RIMBP2: variants seen among roughly 807,000 people sequenced by gnomAD.
The protein encoded by RIMBP2 is RIMS-binding protein 2.
A neutral mutation model predicts 118.6 loss-of-function variants in RIMBP2; 48 were observed. That is an observed-to-expected ratio of 0.40 (90% confidence interval 0.32 to 0.51). The LOEUF is 0.51. RIMBP2 is among the 20% of genes least tolerant of loss of function. The probability of loss-of-function intolerance (pLI) is 0.41; values close to 1 mark genes in which losing one functional copy is unlikely to be tolerated. For missense variants in RIMBP2, 1,551 were observed against 1,768.3 expected (o/e 0.88, Z 2.20); for synonymous variants, 762 against 742.9 (o/e 1.03, Z -0.42).
chr12:130,702,600 A>G (rs977719805), intron 1 of RIMBP2, among the ~76,000 whole-genome samples: 8 of 150,088 alleles, frequency 5.3e-5, no homozygotes, highest in Admixed American at 3.4e-4. Context: ...GGGAGGGAGG[A>G]AGGAAGGAAG....
chr12:130,471,065 C>T (rs2080960391), intron 5 of RIMBP2, among the ~76,000 whole-genome samples: 2 of 152,230 alleles, frequency 1.3e-5, no homozygotes, highest in Admixed American at 1.3e-4. Context: ...CGACGAACTG[C>T]TTTGGAAACA....
chr12:130,668,575 AAG>A (rs1226067837), intron 1 of RIMBP2: 1 of 152,402 alleles, frequency 6.6e-6, no homozygotes, highest in African/African-American at 2.4e-5. Flanking sequence ...GATGAGCAGA[AAG>A]AACACTCGGG....
At chr12:130,681,313 C>T (rs958692228) in intron 1 of RIMBP2, among the ~76,000 whole-genome samples, 1 of 151,968 alleles carries the variant, frequency 6.6e-6, no homozygotes, top group African/African-American at 2.4e-5. Flanking sequence ...AATGCATGTA[C>T]TTTTTACAAA....
chr12:130,691,105 CG>C (rs2065289173), intron 1 of RIMBP2, among the ~76,000 whole-genome samples: 1 of 152,060 alleles, frequency 6.6e-6, no homozygotes, highest in Non-Finnish European at 1.5e-5. Context: ...CTCAACAGGG[CG>C]GGATGAGATG....
Position 130,424,515 on chromosome 12 carries a change from C to T in RIMBP2, c.2756G>A (p.Ser919Asn). 7 of 1,232,018 alleles carry T rather than the reference C, an allele frequency of 5.7e-6. No homozygotes were observed. The highest frequency in any genetic ancestry group is 4.1e-5 in the South Asian group (1 of 24,320). The allele number at this position is 1,232,018 out of a possible 1,614,324, so 76.3% of individuals were successfully genotyped here. The change falls in exon 16 of 23, where the codon AGC becomes AAC. Residue 919 changes from serine to asparagine, a missense_variant. Coordinates refer to ENST00000690449, the MANE Select transcript of RIMBP2 (RefSeq NM_001393629.1). This position sits in a 1 kb window ranked among gnomAD's most constrained non-coding sequence, Gnocchi z 9.8. The part of the protein sequence containing the change: ...FSRSATRSPD[S>N]GLDCGSEEDE... The stretch of plus-strand genomic sequence containing the variant: ...CTCTTCACTCCCACAGTCCAGGCCG[C>T]TGTCCGGGCTCCGGGTGGCCGAGCG...
Position 130,424,549 on chromosome 12 carries a change from G to C in RIMBP2, c.2722C>G (p.Arg908Gly), listed in dbSNP as rs1334520068. Residue 908 changes from arginine (R) to glycine (G), a missense_variant, in exon 16 of 23, where the codon CGG becomes GGG. By Grantham distance (125) the Arg-to-Gly change is moderately radical. Around this residue, in one of 5 missense-constraint regions of RIMBP2, gnomAD observed 1,038 missense variants for 1,125.1 expected, o/e 0.92. Coordinates refer to ENST00000690449, the MANE Select transcript of RIMBP2 (RefSeq NM_001393629.1). This position sits in a 1 kb window ranked among gnomAD's most constrained non-coding sequence, Gnocchi z 9.8. ...CTCCGGGTGGCCGAGCGGCTGAACCGACAGCCCCTGTCTTCCAGAAGGAAG... is the reference window on the plus strand; with the variant it reads ...CTCCGGGTGGCCGAGCGGCTGAACCCACAGCCCCTGTCTTCCAGAAGGAAG... ...EDFLLEDRGC[R>G]FSRSATRSPD... is the part of the protein sequence containing the mutation. 8.1e-7 allele frequency: 1 copy of C among 1,231,822 alleles called. No homozygotes were observed. Among genetic ancestry groups the C allele is most frequent in the African/African-American group, 1.6e-5 (1 of 64,382 alleles). 76.3% of individuals were successfully genotyped at this position (1,231,822 alleles called of 1,614,324 possible). A position where few individuals can be genotyped will look rare whatever the true frequency, so the allele number is the denominator to read the frequency against.
In RIMBP2 at chr12:130,623,095, C is replaced by T. The variant is rs917119865; in HGVS notation, c.-217+5227G>A. On this transcript the variant is annotated intron_variant, in intron 2 of 22. Transcript: ENST00000690449. This position sits in a 1 kb window ranked among gnomAD's most constrained non-coding sequence, Gnocchi z 4.1. ...AAATCAGGTTGCTGGGCTACTTACA[C>T]AAATACATATAAAACGAAGGTCAAC... is the stretch of plus-strand genomic sequence containing the variant. 6.6e-6 allele frequency among the ~76,000 whole-genome samples: 1 copy of T among 152,280 alleles called. No homozygotes were observed. Among genetic ancestry groups the T allele is most frequent in the South Asian group, 2.1e-4 (1 of 4,826 alleles).
intron 1 of RIMBP2, among the ~76,000 whole-genome samples, chr12:130,633,488 G>A (rs909215036): frequency 1.1e-4 from 16 of 151,956 alleles, no homozygotes; most frequent in African/African-American, 3.9e-4. Context: ...CGAGTGTCCC[G>A]CCCACAGCCC....
chr12:130,428,118 G>T, intron 15 of RIMBP2, 61 bp downstream of exon 15: 1 of 1,460,266 alleles, frequency 6.8e-7, no homozygotes, highest in African/African-American at 1.4e-5. Flanking sequence ...CCCCAGCAAA[G>T]GGACGTGGAT....
intron 19 of RIMBP2, among the ~76,000 whole-genome samples, chr12:130,409,332 CTTTTTTTTTTTTTTTT>C (rs35015661): frequency 4.6e-5 from 3 of 65,384 alleles, no homozygotes; most frequent in South Asian, 1.5e-3. Flanking sequence ...CAAAATGTAG[CTTTTTTTTTTTTTTTT>C]TTTTTTTTTT....
At chr12:130,604,241 T>C (rs1378387629) in intron 2 of RIMBP2, among the ~76,000 whole-genome samples, 2 of 151,686 alleles carry the variant, frequency 1.3e-5, no homozygotes, top group African/African-American at 2.4e-5. Context: ...GCAATGTCTT[T>C]GTGTTTCAAG....
chr12:130,424,454 G>A lies in RIMBP2; in HGVS notation c.2817C>T (p.Ala939=), dbSNP rs564917103. The A allele has an allele frequency of 8.3e-5, 102 of 1,232,124 alleles. 1 individual carries two copies. In the South Asian group the frequency reaches 8.6e-4, roughly 10 times the overall value. The allele number at this position is 1,232,124 out of a possible 1,614,324, so 76.3% of individuals were successfully genotyped here. Residue 939 remains alanine, a synonymous_variant, in exon 16 of 23, where the codon GCC becomes GCT. Coordinates refer to ENST00000690449, the MANE Select transcript of RIMBP2 (RefSeq NM_001393629.1). The surrounding 1 kb of genome is among the most constrained non-coding windows in gnomAD (Gnocchi z 9.8). ...ESRFGFGNTV[A]ACSPGPGHCP... The stretch of plus-strand genomic sequence containing the variant: ...AGTGACCAGGGCCTGGGCTGCACGC[G>A]GCCACGGTGTTTCCGAAGCCAAACC...
chr12:130,506,689 G>T lies in RIMBP2; in HGVS notation c.-45C>A. 1.0e-6 allele frequency: 1 copy of T among 985,708 alleles called. No individual in the cohort carries two copies. Among genetic ancestry groups the T allele is most frequent in the Non-Finnish European group, 1.2e-6 (1 of 829,934 alleles). 61.1% of individuals were successfully genotyped at this position (985,708 alleles called of 1,614,324 possible). ...AGGTTCTCCAGCTTGGCTTGGAGCT[G>T]GTGTTTCTCCTTCACGGCCAAATCG... On this transcript the variant is annotated 5_prime_UTR_variant, in exon 4 of 23. Coordinates refer to ENST00000690449, the MANE Select transcript of RIMBP2 (RefSeq NM_001393629.1).
In RIMBP2 at chr12:130,528,646, T is replaced by C. The variant is rs558613947; in HGVS notation, c.-216-10729A>G. On this transcript the variant is annotated intron_variant, in intron 2 of 22. Transcript: ENST00000690449. ...TCTCAATAATTGTACTTCATCAACT[T>C]ACATGTATCTGCAATGCATACTCTG... 9.8e-5 allele frequency among the ~76,000 whole-genome samples: 15 copies of C among 152,304 alleles called. No homozygotes were observed. The South Asian group carries it at 2.9e-3, about 29-fold the overall frequency.
chr12:130,522,092 A>G (rs4759488), intron 2 of RIMBP2, among the ~76,000 whole-genome samples: 123,205 of 152,186 alleles, frequency 0.81, 50,213 homozygotes, highest in Non-Finnish European at 0.87. Flanking sequence ...CTAGGGCCAC[A>G]TGTCCCTGAA....
rs1252958705 is a variant in RIMBP2 at position 130,442,269 on chromosome 12, G to A, written c.1083C>T (p.Leu361=). The A allele has an allele frequency of 6.2e-7, 1 of 1,614,198 alleles. No individual in the cohort carries two copies. The highest frequency in any genetic ancestry group is 1.7e-5 in the Admixed American group (1 of 60,020). Residue 361 remains leucine (L), a synonymous_variant, in exon 11 of 23, where the codon CTC becomes CTT. Transcript: ENST00000690449. The surrounding 1 kb of genome is among the most constrained non-coding windows in gnomAD (Gnocchi z 6.9). ...VLVDKETRMN[L]TLGSRTKALI... ...GGGCTTTAGTTCTGCTCCCCAGCGTGAGGTTCATGCGTGTCTCCTTGTCCA... is the reference window on the plus strand; with the variant it reads ...GGGCTTTAGTTCTGCTCCCCAGCGTAAGGTTCATGCGTGTCTCCTTGTCCA...
Position 130,666,033 on chromosome 12 carries a change from A to G in RIMBP2, c.-351-37577T>C, listed in dbSNP as rs564657785. Among the ~76,000 whole-genome samples the G allele has an allele frequency of 3.9e-5, 6 of 152,282 alleles. No homozygotes were observed. The South Asian group carries it at 1.2e-3, about 32-fold the overall frequency. On this transcript the variant is annotated intron_variant, in intron 1 of 22. Transcript: ENST00000690449. ...ACTTGTAGATAAGAGAGAAAGACAAAGCTAACAGGACCCAAGGCTGGCAGT... is the reference window on the plus strand; with the variant it reads ...ACTTGTAGATAAGAGAGAAAGACAAGGCTAACAGGACCCAAGGCTGGCAGT...
intron 12 of RIMBP2, 30 bp downstream of exon 12, chr12:130,438,335 A>AACCACC: frequency 1.3e-5 from 11 of 864,998 alleles, no homozygotes; most frequent in African/African-American, 5.1e-5. Context: ...GGCCTAACAA[A>AACCACC]CCCTCCCCAC....
rs1410524974 is a variant in RIMBP2 at position 130,511,726 on chromosome 12, C to A, written c.-126-4956G>T. The stretch of plus-strand genomic sequence containing the variant: ...GCAGAAATCTCTAGAGGACAATGAC[C>A]TTTCATGAAACAGAGCTTCGTGAGA... On this transcript the variant is annotated intron_variant, in intron 3 of 22. Coordinates refer to ENST00000690449, the MANE Select transcript of RIMBP2 (RefSeq NM_001393629.1). This position sits in a 1 kb window ranked among gnomAD's most constrained non-coding sequence, Gnocchi z 4.3. 1.3e-5 allele frequency among the ~76,000 whole-genome samples: 2 copies of A among 152,162 alleles called. No homozygotes were observed. Among genetic ancestry groups the A allele is most frequent in the Admixed American group, 1.3e-4 (2 of 15,280 alleles).
Sources: allele counts gnomAD v4.1 joint callset (sites outside exome capture counted in the v4.1 genomes callset), GRCh38; gene constraint gnomAD v4.1.1; regional missense constraint gnomAD v4.1.1; non-coding constraint Gnocchi (gnomAD v3.1); transcripts MANE v1.5; gene names NCBI Gene and HGNC (gene_info 2026-07-23, HGNC 2026-07-21).